The following COMMD10 variants were observed in gnomAD, a reference collection of about 807,000 sequenced individuals.
COMMD10 encodes COMM domain containing 10, also known as COMM domain-containing protein 10.
COMMD10 carries 33 observed loss-of-function variants against 28.9 expected under a neutral mutation model. The ratio of observed to expected loss-of-function variants is 1.14; its 90% CI spans 0.87 to 1.53. The LOEUF (loss-of-function observed/expected upper bound fraction) is 1.53. Among genes scored for constraint, COMMD10 ranks in the 40% most tolerant of loss-of-function variants. The pLI, the probability that COMMD10 is intolerant of heterozygous loss-of-function variation, is 0.00. For synonymous variants in COMMD10, 110 were observed against 81.7 expected (o/e 1.35, Z -1.87); for missense variants, 310 against 233.4 (o/e 1.33, Z -2.14).
chr5:116,214,102 C>T (rs113142276), intron 5 of COMMD10, among the ~76,000 whole-genome samples: 53 of 152,232 alleles, frequency 3.5e-4, no homozygotes, highest in African/African-American at 1.3e-3. Context: ...TTCATTCTCT[C>T]TGAATTGGAC....
chr5:116,204,027 A>T (rs1411364742), intron 5 of COMMD10, among the ~76,000 whole-genome samples: 1 of 152,048 alleles, frequency 6.6e-6, no homozygotes, highest in Non-Finnish European at 1.5e-5. Context: ...ATAGGCTCAA[A>T]ATAAAAGGAT....
Position 116,162,814 on chromosome 5 carries a change from A to G in COMMD10, c.510+28636A>G, listed in dbSNP as rs148455867. Among the ~76,000 whole-genome samples the G allele has an allele frequency of 6.6e-5, 10 of 152,286 alleles. 1 individual carries two copies. The highest frequency in any genetic ancestry group is 2.4e-4 in the African/African-American group (10 of 41,544). ...CATCAGTGTTGGGTTATCGCACAGA[A>G]CACCTTCTAGGGTCTACTTCAGAGT... On this transcript the variant is annotated intron_variant, in intron 5 of 6. Coordinates refer to ENST00000274458, the MANE Select transcript of COMMD10 (RefSeq NM_016144.4).
At chr5:116,231,198 C>T (rs1290017387) in intron 5 of COMMD10, among the ~76,000 whole-genome samples, 1 of 152,056 alleles carries the variant, frequency 6.6e-6, no homozygotes, top group East Asian at 1.9e-4. Flanking sequence ...CAATTTGGCA[C>T]AATGTTTTTG....
At chr5:116,267,148 A>G (rs1282868808) in intron 5 of COMMD10, among the ~76,000 whole-genome samples, 1 of 151,898 alleles carries the variant, frequency 6.6e-6, no homozygotes, top group Admixed American at 6.6e-5. Flanking sequence ...GAAAAGAGGA[A>G]GTCAAATGGT....
At chr5:116,163,141 A>G (rs1752972040) in intron 5 of COMMD10, among the ~76,000 whole-genome samples, 1 of 152,104 alleles carries the variant, frequency 6.6e-6, no homozygotes, top group South Asian at 2.1e-4. Context: ...TAGATAATTC[A>G]GCATTAGATA....
chr5:116,229,337 T>C (rs1316384599), intron 5 of COMMD10, among the ~76,000 whole-genome samples: 1 of 151,996 alleles, frequency 6.6e-6, no homozygotes, highest in Non-Finnish European at 1.5e-5. Flanking sequence ...CTGGCATTGA[T>C]TGCCATTGTT....
chr5:116,156,521 G>C (rs1054163262), intron 5 of COMMD10, among the ~76,000 whole-genome samples: 1 of 152,078 alleles, frequency 6.6e-6, no homozygotes, highest in African/African-American at 2.4e-5. Context: ...ACCATTATTT[G>C]AGCTGGAAAA....
chr5:116,108,288 C>G (rs1750912643), intron 4 of COMMD10, among the ~76,000 whole-genome samples: 1 of 152,232 alleles, frequency 6.6e-6, no homozygotes, highest in Admixed American at 6.5e-5. Flanking sequence ...ACCCCTTTCC[C>G]CAGGTGCTCT....
chr5:116,265,702 A>C (rs1015838812), intron 5 of COMMD10, among the ~76,000 whole-genome samples: 83 of 151,738 alleles, frequency 5.5e-4, no homozygotes, highest in Admixed American at 1.6e-3. Context: ...AAGTCCTCAT[A>C]TTGCTGTCAA....
intron 5 of COMMD10, among the ~76,000 whole-genome samples, chr5:116,287,592 G>A (rs1316737259): frequency 6.6e-6 from 1 of 151,664 alleles, no homozygotes; most frequent in Non-Finnish European, 1.5e-5. Context: ...TTACCGATAG[G>A]CAAGGACTTA....
intron 5 of COMMD10, among the ~76,000 whole-genome samples, chr5:116,199,688 A>G (rs1158296489): frequency 6.6e-6 from 1 of 152,266 alleles, no homozygotes; most frequent in Admixed American, 6.5e-5. Context: ...ACTTTAAAAA[A>G]CATTTCTTGT....
chr5:116,229,722 A>G (rs2112652902), intron 5 of COMMD10, among the ~76,000 whole-genome samples: 1 of 152,166 alleles, frequency 6.6e-6, no homozygotes, highest in South Asian at 2.1e-4. Context: ...GCAACAGAAT[A>G]CAAGCACAAT....
intron 5 of COMMD10, among the ~76,000 whole-genome samples, chr5:116,205,472 A>G (rs1026257444): frequency 6.6e-6 from 1 of 152,180 alleles, no homozygotes; most frequent in South Asian, 2.1e-4. Flanking sequence ...TTTTATTAGG[A>G]AACTTTTCTA....
At chr5:116,145,001 TTCAA>T (rs2112542536) in intron 5 of COMMD10, among the ~76,000 whole-genome samples, 1 of 151,936 alleles carries the variant, frequency 6.6e-6, no homozygotes, top group Non-Finnish European at 1.5e-5. Context: ...AAAGGTAGGA[TTCAA>T]TCAGAGTGGG....
At chr5:116,149,555 G>C (rs1193769677) in intron 5 of COMMD10, among the ~76,000 whole-genome samples, 1 of 146,494 alleles carries the variant, frequency 6.8e-6, no homozygotes, top group African/African-American at 2.5e-5. Flanking sequence ...ATTCTAACCG[G>C]TGTGAGATGG....
chr5:116,130,827 G>A (rs1422432633), intron 4 of COMMD10, among the ~76,000 whole-genome samples: 1 of 151,930 alleles, frequency 6.6e-6, no homozygotes, highest in Non-Finnish European at 1.5e-5. Context: ...GTATCCTTTT[G>A]TCAGATGGCT....
intron 4 of COMMD10, among the ~76,000 whole-genome samples, chr5:116,111,545 A>G (rs915433264): frequency 2.0e-5 from 3 of 150,836 alleles, no homozygotes; most frequent in South Asian, 2.1e-4. Flanking sequence ...TCAGGGGCAT[A>G]TTGTTTAATT....
At chr5:116,161,069 C>T (rs1300918221) in intron 5 of COMMD10, among the ~76,000 whole-genome samples, 1 of 151,764 alleles carries the variant, frequency 6.6e-6, no homozygotes, top group East Asian at 1.9e-4. Flanking sequence ...ATTTATGGGC[C>T]CATGAAGCCT....
intron 5 of COMMD10, among the ~76,000 whole-genome samples, chr5:116,288,604 A>G (rs1386071877): frequency 6.6e-6 from 1 of 151,674 alleles, no homozygotes; most frequent in African/African-American, 2.4e-5. Flanking sequence ...ATATTGTCCT[A>G]AATCCCTTAT....
Sources: gnomAD v4.1 joint callset for allele counts (sites outside exome capture counted in the v4.1 genomes callset) on GRCh38, gnomAD v4.1.1 for gene constraint, MANE v1.5 for transcripts, NCBI Gene and HGNC (gene_info 2026-07-23, HGNC 2026-07-21) for gene names.